SYT10: variants seen among roughly 807,000 people sequenced by gnomAD.
SYT10 encodes synaptotagmin 10.
SYT10 carries 31 observed loss-of-function variants against 51.1 expected under a neutral mutation model. The ratio of observed to expected loss-of-function variants is 0.61; its 90% CI spans 0.46 to 0.82. The LOEUF (loss-of-function observed/expected upper bound fraction) is 0.82. Ranked by LOEUF, SYT10 falls within the 40% of genes least tolerant of loss-of-function variation. The pLI is 0.00. For synonymous variants in SYT10, 233 were observed against 225.9 expected (o/e 1.03, Z -0.28); for missense variants, 603 against 634.0 (o/e 0.95, Z 0.53).
intron 3 of SYT10, among the ~76,000 whole-genome samples, chr12:33,385,728 G>C (rs1866151816): frequency 6.6e-6 from 1 of 152,158 alleles, no homozygotes; most frequent in Admixed American, 6.5e-5. Context: ...TCCCAAATCA[G>C]TGACTTTCTT....
rs10844596 is a variant in SYT10 at position 33,426,473 on chromosome 12, A to T, written c.174T>A (p.Ala58=). 173,168 of 1,597,096 alleles carry T rather than the reference A, an allele frequency of 0.11. 10,495 individuals are homozygous for T. The highest frequency in any genetic ancestry group is 0.21 in the Admixed American group (11,621 of 55,724). ...CCAGTCCACAAAAGCTGACAACGAC[A>T]GCTAACAGGCTGACTGAAATATCTG... is the stretch of plus-strand genomic sequence containing the variant. The part of the protein sequence containing the change: ...SSTDISVSLL[A]VVVSFCGLAL... The change falls in exon 2 of 7, where the codon GCT becomes GCA. Residue 58 remains alanine, a synonymous_variant. Transcript: ENST00000228567.
At chr12:33,435,728 C>G (rs957358806) in intron 1 of SYT10, among the ~76,000 whole-genome samples, 68 of 152,240 alleles carry the variant, frequency 4.5e-4, no homozygotes, top group African/African-American at 1.6e-3. Flanking sequence ...TATGAAGTCC[C>G]TCTACTAATT....
intron 1 of SYT10, among the ~76,000 whole-genome samples, chr12:33,428,766 C>T (rs575575656): frequency 4.6e-5 from 7 of 152,168 alleles, no homozygotes; most frequent in African/African-American, 7.2e-5. Flanking sequence ...ATTAGCCAGG[C>T]GTGGTGGCGG....
At chr12:33,417,565 A>G (rs563395547) in intron 2 of SYT10, among the ~76,000 whole-genome samples, 2 of 152,340 alleles carry the variant, frequency 1.3e-5, no homozygotes, top group South Asian at 4.1e-4. Flanking sequence ...GTATCAACAC[A>G]ATAGTCTTGT....
At chr12:33,394,367 GAGTT>G (rs1248644501) in intron 3 of SYT10, among the ~76,000 whole-genome samples, 1 of 152,176 alleles carries the variant, frequency 6.6e-6, no homozygotes. Flanking sequence ...TTTAGGAAAA[GAGTT>G]AAGGCATCAG....
chr12:33,410,634 C>T (rs1202900785), intron 2 of SYT10, among the ~76,000 whole-genome samples: 1 of 152,108 alleles, frequency 6.6e-6, no homozygotes, highest in Non-Finnish European at 1.5e-5. Flanking sequence ...AAGATCTCGT[C>T]CTCCACATTC....
chr12:33,406,571 G>C (rs569599951), intron 3 of SYT10, among the ~76,000 whole-genome samples: 1 of 152,094 alleles, frequency 6.6e-6, no homozygotes, highest in Non-Finnish European at 1.5e-5. Context: ...TAATTTATAA[G>C]AGCTACGTTT....
At chr12:33,377,906 T>G (rs9888374) in intron 6 of SYT10, among the ~76,000 whole-genome samples, 49,212 of 151,926 alleles carry the variant, frequency 0.32, 9,955 homozygotes, top group African/African-American at 0.57. Flanking sequence ...GGGATTACAG[T>G]CGTGAGCCAC....
Position 33,380,996 on chromosome 12 carries a change from CA to C in SYT10, c.1371-1036del, listed in dbSNP as rs1424099982. 2.6e-5 allele frequency among the ~76,000 whole-genome samples: 4 copies of C among 152,038 alleles called. No individual in the cohort carries two copies. In the South Asian group the frequency reaches 6.2e-4, roughly 24 times the overall value. On this transcript the variant is annotated intron_variant, in intron 5 of 6. Transcript: ENST00000228567. ...TCCCAAACAAGCATGTTTTTAGGTA[CA>C]AAAATTTTGTCTTCCTGTGTATATC...
chr12:33,414,513 G>A (rs577865358), intron 2 of SYT10, among the ~76,000 whole-genome samples: 2 of 152,252 alleles, frequency 1.3e-5, no homozygotes, highest in East Asian at 3.9e-4. Flanking sequence ...CTAGAACTCA[G>A]GATTAAGAAA....
intron 1 of SYT10, among the ~76,000 whole-genome samples, chr12:33,436,992 A>G (rs1053572943): frequency 4.6e-5 from 7 of 152,240 alleles, no homozygotes; most frequent in African/African-American, 1.7e-4. Flanking sequence ...AGCACAAGTT[A>G]TAAGAAAATC....
chr12:33,379,853 C>T lies in SYT10; in HGVS notation c.1479G>A (p.Thr493=), dbSNP rs138986207. ...EMLAYHRKPI[T]HWHPLLELPG... ...TTACCTCCAGCAATGGGTGCCAGTGCGTTATTGGTTTTCGATGATAGGCCA... is the reference window on the plus strand; with the variant it reads ...TTACCTCCAGCAATGGGTGCCAGTGTGTTATTGGTTTTCGATGATAGGCCA... The change falls in exon 6 of 7, where the codon ACG becomes ACA. Residue 493 remains threonine (T), a synonymous_variant. Coordinates refer to ENST00000228567, the MANE Select transcript of SYT10 (RefSeq NM_198992.4). The T allele has an allele frequency of 4.5e-4, 724 of 1,613,818 alleles. 1 individual carries two copies. Among genetic ancestry groups the T allele is most frequent in the Non-Finnish European group, 5.4e-4 (637 of 1,179,876 alleles).
At chr12:33,420,812 G>A (rs796895007) in intron 2 of SYT10, among the ~76,000 whole-genome samples, 8 of 152,310 alleles carry the variant, frequency 5.3e-5, no homozygotes, top group Admixed American at 2.0e-4. Context: ...AGAAGCAAGT[G>A]TGTACACCTA....
intron 3 of SYT10, among the ~76,000 whole-genome samples, chr12:33,401,902 A>G (rs1390239375): frequency 6.6e-6 from 1 of 152,268 alleles, no homozygotes; most frequent in African/African-American, 2.4e-5. Flanking sequence ...GAGATATACA[A>G]GATGATTTCT....
At chr12:33,430,354 G>A (rs1398545546) in intron 1 of SYT10, among the ~76,000 whole-genome samples, 2 of 152,156 alleles carry the variant, frequency 1.3e-5, no homozygotes, top group Non-Finnish European at 2.9e-5. Flanking sequence ...ATGCGAATTC[G>A]TCAGAAACTT....
intron 3 of SYT10, among the ~76,000 whole-genome samples, chr12:33,394,732 AG>A (rs2138399954): frequency 6.6e-6 from 1 of 152,378 alleles, no homozygotes; most frequent in South Asian, 2.1e-4. Context: ...TTCTAATTAA[AG>A]GATACTCATT....
intron 6 of SYT10, among the ~76,000 whole-genome samples, chr12:33,378,814 C>CTG (rs56373564): frequency 0.027 from 3,871 of 145,238 alleles, 137 homozygotes; most frequent in East Asian, 0.2. Flanking sequence ...GACTGGGTAT[C>CTG]TGTGTGTGTG....
intron 1 of SYT10, among the ~76,000 whole-genome samples, chr12:33,430,715 G>A (rs1402562828): frequency 6.6e-6 from 1 of 152,044 alleles, no homozygotes; most frequent in African/African-American, 2.4e-5. Flanking sequence ...GGTATTCCAA[G>A]CCCTTTGTTT....
intron 3 of SYT10, among the ~76,000 whole-genome samples, chr12:33,394,745 G>A (rs952655228): frequency 2.2e-4 from 34 of 152,216 alleles, no homozygotes; most frequent in African/African-American, 7.0e-4. Flanking sequence ...ATACTCATTA[G>A]CATTTTAATT....
Sources: allele counts gnomAD v4.1 joint callset (sites outside exome capture counted in the v4.1 genomes callset), GRCh38; gene constraint gnomAD v4.1.1; transcripts MANE v1.5; gene names NCBI Gene and HGNC (gene_info 2026-07-23, HGNC 2026-07-21).